The following DRC8 variants were observed in gnomAD, a reference collection of about 807,000 sequenced individuals.
DRC8 encodes dynein regulatory complex subunit 8.
the DRC8 span, among the ~76,000 whole-genome samples, chr1:245,049,193 C>T: frequency 6.6e-6 from 1 of 152,158 alleles, no homozygotes; most frequent in African/African-American, 2.4e-5. This position sits in a 1 kb window ranked among gnomAD's most constrained non-coding sequence, Gnocchi z 4.5. Flanking sequence ...CCATGTGGGC[C>T]AGGCTGGTCT....
chr1:245,069,843 A>G, the DRC8 span, among the ~76,000 whole-genome samples: 1 of 152,184 alleles, frequency 6.6e-6, no homozygotes, highest in Non-Finnish European at 1.5e-5. Context: ...GGAGTTCGGG[A>G]CCAGCCTGGG....
chr1:245,027,580 T>A, the DRC8 span, among the ~76,000 whole-genome samples: 44 of 152,206 alleles, frequency 2.9e-4, no homozygotes, highest in Non-Finnish European at 5.9e-4. Context: ...TGTGTTTTTT[T>A]AAACTATCTA....
the DRC8 span, among the ~76,000 whole-genome samples, chr1:244,977,904 T>C: frequency 6.6e-6 from 1 of 152,162 alleles, no homozygotes; most frequent in Non-Finnish European, 1.5e-5. Context: ...CAGCCAAATA[T>C]ATAAAAATTA....
the DRC8 span, among the ~76,000 whole-genome samples, chr1:245,029,687 C>T: frequency 1.3e-5 from 2 of 151,616 alleles, no homozygotes; most frequent in Non-Finnish European, 2.9e-5. Context: ...CCTTCATCTC[C>T]TGGGTTCAAG....
At chr1:245,112,105 G>A in the DRC8 span, among the ~76,000 whole-genome samples, 74 of 152,298 alleles carry the variant, frequency 4.9e-4, no homozygotes, top group African/African-American at 1.7e-3. Flanking sequence ...ACAGAGTTTC[G>A]CTCTTGTTGC....
chr1:244,993,473 TG>T, the DRC8 span, among the ~76,000 whole-genome samples: 3 of 152,264 alleles, frequency 2.0e-5, no homozygotes, highest in South Asian at 2.1e-4. Flanking sequence ...ACTTCTTGAG[TG>T]GTTTCTCTTG....
the DRC8 span, among the ~76,000 whole-genome samples, chr1:245,079,552 C>T: frequency 1.3e-5 from 2 of 152,126 alleles, no homozygotes; most frequent in Non-Finnish European, 2.9e-5. Context: ...TATTATGTGT[C>T]ATTTGTGAGT....
chr1:245,006,356 G>T, the DRC8 span, among the ~76,000 whole-genome samples: 5 of 152,186 alleles, frequency 3.3e-5, no homozygotes, highest in African/African-American at 1.2e-4. Flanking sequence ...CTGCCTCCCA[G>T]CCTGGAGTGC....
At chr1:245,047,630 A>C in the DRC8 span, among the ~76,000 whole-genome samples, 1 of 56,406 alleles carries the variant, frequency 1.8e-5, no homozygotes, top group Non-Finnish European at 4.3e-5. Flanking sequence ...GCTAGACTCC[A>C]TCTCCAAAAA....
At chr1:245,012,715 T>C in the DRC8 span, among the ~76,000 whole-genome samples, 5 of 152,252 alleles carry the variant, frequency 3.3e-5, no homozygotes, top group East Asian at 9.6e-4. Flanking sequence ...GATATATATA[T>C]CTAAATATAC....
the DRC8 span, among the ~76,000 whole-genome samples, chr1:245,080,432 A>C: frequency 1.1e-4 from 16 of 152,282 alleles, no homozygotes; most frequent in African/African-American, 3.9e-4. Context: ...TCTATTTACC[A>C]TATAGGTACT....
At chr1:245,097,155 G>A in the DRC8 span, among the ~76,000 whole-genome samples, 3 of 152,176 alleles carry the variant, frequency 2.0e-5, no homozygotes, top group African/African-American at 7.2e-5. The surrounding 1 kb of genome is among the most constrained non-coding windows in gnomAD (Gnocchi z 5.0). Flanking sequence ...TTCATGGAAA[G>A]GGTGTACATG....
At chr1:244,996,905 A>T in the DRC8 span, among the ~76,000 whole-genome samples, 4 of 152,278 alleles carry the variant, frequency 2.6e-5, no homozygotes, top group Admixed American at 2.0e-4. Context: ...CCTCCTGTGG[A>T]TACCAAAATC....
the DRC8 span, among the ~76,000 whole-genome samples, chr1:244,998,145 A>G: frequency 6.6e-6 from 1 of 152,028 alleles, no homozygotes. Flanking sequence ...CCTTCATTCT[A>G]TTGACTGACC....
At chr1:244,984,134 G>A in the DRC8 span, among the ~76,000 whole-genome samples, 1 of 151,728 alleles carries the variant, frequency 6.6e-6, no homozygotes, top group African/African-American at 2.4e-5. Context: ...TTTTTGGGGG[G>A]GGGGAATAAT....
At chr1:245,017,563 A>G in the DRC8 span, among the ~76,000 whole-genome samples, 2 of 65,592 alleles carry the variant, frequency 3.0e-5, no homozygotes, top group African/African-American at 1.4e-4. Context: ...GTTCCAACCT[A>G]TAATTGTAAA....
chr1:245,053,919 G>C, the DRC8 span, among the ~76,000 whole-genome samples: 1 of 152,102 alleles, frequency 6.6e-6, no homozygotes, highest in African/African-American at 2.4e-5. Flanking sequence ...GATGGGGGTG[G>C]CTGGAAGAAC....
the DRC8 span, among the ~76,000 whole-genome samples, chr1:245,104,430 G>A: frequency 1.3e-5 from 2 of 152,112 alleles, no homozygotes; most frequent in East Asian, 3.9e-4. Flanking sequence ...CTTGAACCTG[G>A]GAGGCGGAGG....
chr1:245,070,788 A>C, the DRC8 span, among the ~76,000 whole-genome samples: 1 of 152,204 alleles, frequency 6.6e-6, no homozygotes. Context: ...CATATGTTGG[A>C]GCTTAAACCC....
Sources: gnomAD v4.1 joint callset for allele counts (sites outside exome capture counted in the v4.1 genomes callset) on GRCh38, gnomAD v4.1.1 for gene constraint, Gnocchi (gnomAD v3.1) non-coding constraint, MANE v1.5 for transcripts, NCBI Gene and HGNC (gene_info 2026-07-23, HGNC 2026-07-21) for gene names.